The following AGBL4 variants were observed in gnomAD, a reference collection of about 807,000 sequenced individuals.
AGBL4 encodes the protein AGBL carboxypeptidase 4, also known as cytosolic carboxypeptidase 6.
In AGBL4, 58 loss-of-function variants were observed where a neutral mutation model predicts 66.4. The ratio of observed to expected loss-of-function variants is 0.87; its 90% confidence interval spans 0.71 to 1.09. AGBL4 has a LOEUF of 1.09. Among genes scored for constraint, AGBL4 ranks in the 50% least tolerant of loss-of-function variants. The pLI is 0.00. For synonymous variants in AGBL4, 234 were observed against 222.9 expected, an observed-to-expected ratio of 1.05 and a Z score of -0.44; for missense variants, 579 against 631.0, an observed-to-expected ratio of 0.92 and a Z score of 0.88.
At chr1:48,997,441 A>G (rs1661102878) in intron 5 of AGBL4, among the ~76,000 whole-genome samples, 1 of 152,208 alleles carries the variant, frequency 6.6e-6, no homozygotes, top group Admixed American at 6.5e-5. Flanking sequence ...AGAATGAGAT[A>G]AAGTCACTAG....
At chr1:49,943,947 G>A (rs1046930683) in intron 1 of AGBL4, among the ~76,000 whole-genome samples, 4 of 151,948 alleles carry the variant, frequency 2.6e-5, no homozygotes, top group Non-Finnish European at 5.9e-5. Context: ...TGTGGGAGAG[G>A]GCATTGTGGG....
intron 5 of AGBL4, among the ~76,000 whole-genome samples, chr1:48,907,457 T>C (rs1174970498): frequency 6.6e-6 from 1 of 152,160 alleles, no homozygotes; most frequent in Admixed American, 6.5e-5. Flanking sequence ...GGGCATAATC[T>C]ATGACCATAG....
intron 6 of AGBL4, among the ~76,000 whole-genome samples, chr1:48,697,399 A>G (rs72902843): frequency 0.033 from 5,091 of 152,152 alleles, 279 homozygotes; most frequent in African/African-American, 0.12. Flanking sequence ...CCAGTGCTCT[A>G]CTCTCTAGGT....
intron 3 of AGBL4, among the ~76,000 whole-genome samples, chr1:49,366,433 G>A (rs1644242821): frequency 6.6e-6 from 1 of 152,158 alleles, no homozygotes; most frequent in African/African-American, 2.4e-5. Context: ...CATTTTGGCA[G>A]ATCAAGTAAT....
At chr1:49,015,110 G>T (rs1218600137) in intron 5 of AGBL4, among the ~76,000 whole-genome samples, 2 of 152,086 alleles carry the variant, frequency 1.3e-5, no homozygotes, top group African/African-American at 4.8e-5. Context: ...GTTTTTCTTA[G>T]GTCACCTAGA....
chr1:49,730,215 C>T (rs1259712231), intron 2 of AGBL4, among the ~76,000 whole-genome samples: 2 of 152,194 alleles, frequency 1.3e-5, no homozygotes, highest in Non-Finnish European at 2.9e-5. Context: ...TATTTTCTGC[C>T]TTGCTCATTC....
At chr1:49,438,756 G>A (rs2148665311) in intron 3 of AGBL4, among the ~76,000 whole-genome samples, 1 of 152,216 alleles carries the variant, frequency 6.6e-6, no homozygotes, top group East Asian at 1.9e-4. Flanking sequence ...TTAATAGAAA[G>A]TAATAAGAGG....
At chr1:49,988,735 C>T (rs2148398959) in intron 1 of AGBL4, among the ~76,000 whole-genome samples, 1 of 152,218 alleles carries the variant, frequency 6.6e-6, no homozygotes, top group South Asian at 2.1e-4. Flanking sequence ...CTGGAAAAAA[C>T]TATGATTCTG....
At chr1:49,673,725 T>A (rs1157529168) in intron 3 of AGBL4, among the ~76,000 whole-genome samples, 1 of 152,136 alleles carries the variant, frequency 6.6e-6, no homozygotes, top group Non-Finnish European at 1.5e-5. Flanking sequence ...TTCTGTTGAC[T>A]GCTGCAGACA....
intron 5 of AGBL4, among the ~76,000 whole-genome samples, chr1:48,962,116 T>TCCATCCATCCATCCAC (rs1221739749): frequency 6.7e-6 from 1 of 149,036 alleles, no homozygotes; most frequent in East Asian, 2.0e-4. Context: ...CATCCATCCA[T>TCCATCCATCCATCCAC]CCATCCATCC....
At chr1:48,867,107 G>T in intron 6 of AGBL4, 84 bp downstream of exon 6, 1 of 1,466,494 alleles carries the variant, frequency 6.8e-7, no homozygotes, top group Non-Finnish European at 9.5e-7. Context: ...AAAAGAGAAG[G>T]GCAAGAATTG....
intron 3 of AGBL4, among the ~76,000 whole-genome samples, chr1:49,276,040 C>T (rs1349885934): frequency 1.3e-5 from 2 of 151,986 alleles, no homozygotes; most frequent in East Asian, 1.9e-4. Context: ...CTACTCCAGA[C>T]ATTAACCTTC....
chr1:49,263,175 G>A (rs1438816470), intron 3 of AGBL4, among the ~76,000 whole-genome samples: 3 of 151,758 alleles, frequency 2.0e-5, no homozygotes, highest in Admixed American at 6.6e-5. Context: ...GGAGTGGGGA[G>A]GGATAGCATT....
intron 4 of AGBL4, among the ~76,000 whole-genome samples, chr1:49,214,588 G>A (rs1479646283): frequency 6.6e-6 from 1 of 152,124 alleles, no homozygotes; most frequent in Non-Finnish European, 1.5e-5. Flanking sequence ...GATAAACAAT[G>A]AAACTGAGGC....
intron 4 of AGBL4, among the ~76,000 whole-genome samples, chr1:49,069,225 C>A (rs1644551804): frequency 6.6e-6 from 1 of 152,156 alleles, no homozygotes; most frequent in Non-Finnish European, 1.5e-5. Context: ...TGCAGAAGCT[C>A]TTTTGTTTAA....
intron 4 of AGBL4, among the ~76,000 whole-genome samples, chr1:49,165,055 G>A (rs1029080986): frequency 6.6e-6 from 1 of 152,102 alleles, no homozygotes; most frequent in African/African-American, 2.4e-5. Flanking sequence ...TGTATAATGT[G>A]TATGCCTGAA....
intron 1 of AGBL4, among the ~76,000 whole-genome samples, chr1:49,899,413 T>C (rs1341257546): frequency 1.3e-5 from 2 of 152,014 alleles, no homozygotes; most frequent in Non-Finnish European, 2.9e-5. Context: ...AAAGGATAAA[T>C]GCTTGAGGTG....
intron 6 of AGBL4, among the ~76,000 whole-genome samples, chr1:48,763,276 T>A (rs1004320182): frequency 3.3e-5 from 5 of 152,214 alleles, no homozygotes; most frequent in Non-Finnish European, 7.3e-5. Context: ...TCACAATGGC[T>A]CATTCTTGCA....
chr1:49,041,107 A>G (rs1643930105), intron 5 of AGBL4, among the ~76,000 whole-genome samples: 1 of 152,110 alleles, frequency 6.6e-6, no homozygotes, highest in East Asian at 1.9e-4. Flanking sequence ...TAGTACCAGT[A>G]ACAACTATGG....
Sources: allele counts gnomAD v4.1 joint callset (sites outside exome capture counted in the v4.1 genomes callset), GRCh38; gene constraint gnomAD v4.1.1; transcripts MANE v1.5; gene names NCBI Gene and HGNC (gene_info 2026-07-23, HGNC 2026-07-21).